SLC5A12: variants seen among roughly 807,000 people sequenced by gnomAD.
SLC5A12 encodes the protein sodium-coupled monocarboxylate transporter 2.
A neutral mutation model predicts 72.7 loss-of-function variants in SLC5A12; 46 were observed. That is an observed-to-expected ratio of 0.63 (90% CI 0.50 to 0.81). The LOEUF (loss-of-function observed/expected upper bound fraction) is 0.81. Among genes scored for constraint, SLC5A12 ranks in the 30% least tolerant of loss-of-function variants. The pLI is 0.00. For missense variants in SLC5A12, 683 were observed against 740.7 expected, an observed-to-expected ratio of 0.92 and a Z score of 0.90; for synonymous variants, 275 against 264.4, an observed-to-expected ratio of 1.04 and a Z score of -0.39.
chr11:26,712,554 T>C, intron 2 of SLC5A12, 87 bp downstream of exon 2: 2 of 904,834 alleles, frequency 2.2e-6, no homozygotes, highest in South Asian at 5.1e-5. Context: ...TAAGTGTCCT[T>C]TAGCTGAGTT....
rs747365915 is a variant in SLC5A12 at position 26,721,384 on chromosome 11, T to C, written c.331A>G (p.Thr111Ala). The C allele has an allele frequency of 6.2e-7, 1 of 1,605,156 alleles. No homozygotes were observed. Among genetic ancestry groups the C allele is most frequent in the Non-Finnish European group, 8.5e-7 (1 of 1,174,692 alleles). ...TGGAGAAATCATCTTACCTCATAAG[T>C]GCTGGTGATACCAGATCTGTAGAAC... ...PVFYRSGITSTYEYLQLRFNK... is the reference protein window; with the variant it reads ...PVFYRSGITSAYEYLQLRFNK... Residue 111 changes from threonine (T) to alanine (A), a missense_variant, in exon 1 of 15, where the codon ACT (threonine) becomes GCT (alanine). Thr to Ala is a moderately conservative substitution (Grantham distance 58, BLOSUM62 0). Transcript: ENST00000396005.
chr11:26,705,536 T>G (rs4923379), intron 4 of SLC5A12, among the ~76,000 whole-genome samples: 128,610 of 152,124 alleles, frequency 0.85, 56,205 homozygotes, highest in Non-Finnish European at 0.96. Context: ...CACTTCTTTT[T>G]TAATTAAAAT....
At chr11:26,697,286 A>G (rs1287444075) in intron 7 of SLC5A12, 34 bp from the exon 8 acceptor site, 2 of 1,557,450 alleles carry the variant, frequency 1.3e-6, no homozygotes, top group South Asian at 1.2e-5. Context: ...AAAATAAATA[A>G]AAAGAAGAAA....
intron 6 of SLC5A12, among the ~76,000 whole-genome samples, chr11:26,699,104 T>G (rs1854897936): frequency 6.6e-6 from 1 of 152,262 alleles, no homozygotes; most frequent in South Asian, 2.1e-4. Flanking sequence ...CATTTTATTT[T>G]AAAACCCACA....
intron 1 of SLC5A12, among the ~76,000 whole-genome samples, chr11:26,719,063 A>C (rs573124812): frequency 6.6e-6 from 1 of 152,182 alleles, no homozygotes; most frequent in African/African-American, 2.4e-5. Context: ...CAATTGGTTT[A>C]GTTGTTTTTG....
At chr11:26,674,273 C>T (rs929419434) in intron 13 of SLC5A12, among the ~76,000 whole-genome samples, 2 of 151,810 alleles carry the variant, frequency 1.3e-5, no homozygotes, top group Non-Finnish European at 2.9e-5. Context: ...GTAAAGATCC[C>T]TAGAGGGAGG....
At chr11:26,710,848 A>T (rs1855208042) in intron 3 of SLC5A12, among the ~76,000 whole-genome samples, 1 of 151,988 alleles carries the variant, frequency 6.6e-6, no homozygotes, top group Non-Finnish European at 1.5e-5. Context: ...GTTTACTTTG[A>T]CTTTTTTTCT....
chr11:26,721,175 A>G (rs562163686), intron 1 of SLC5A12, among the ~76,000 whole-genome samples: 10 of 152,288 alleles, frequency 6.6e-5, no homozygotes, highest in African/African-American at 2.2e-4. Flanking sequence ...GCCCTGTGGG[A>G]TTGTCATCAT....
At chr11:26,719,567 C>A (rs1477414065) in intron 1 of SLC5A12, among the ~76,000 whole-genome samples, 1 of 152,136 alleles carries the variant, frequency 6.6e-6, no homozygotes, top group Non-Finnish European at 1.5e-5. Flanking sequence ...TTTGCTCTCT[C>A]CTCTCCAAGC....
intron 13 of SLC5A12, 125 bp downstream of exon 13, chr11:26,678,587 T>A (rs1854318777): frequency 1.5e-6 from 1 of 683,238 alleles, no homozygotes; most frequent in Non-Finnish European, 2.6e-6. Flanking sequence ...AGAGTAGACA[T>A]CTCTGTGGGA....
chr11:26,684,493 C>T (rs898101265), intron 10 of SLC5A12, among the ~76,000 whole-genome samples: 4 of 152,094 alleles, frequency 2.6e-5, no homozygotes, highest in African/African-American at 4.8e-5. Flanking sequence ...AAATATTTGA[C>T]AATCTCTTAC....
intron 9 of SLC5A12, chr11:26,692,231 G>C (rs1213853452): frequency 3.3e-6 from 1 of 299,858 alleles, no homozygotes; most frequent in African/African-American, 2.2e-5. Flanking sequence ...CCGTGGGTTG[G>C]ATAAGCCTCG....
At position 26,686,523 on chromosome 11, in the gene SLC5A12, C is replaced by T; in HGVS notation, c.1175G>A (p.Cys392Tyr). ...AGATGCAGCCACAGCCATAGAGGTA[C>T]ACATCACGCCAAATAAGAGACCTGA... is the stretch of plus-strand genomic sequence containing the variant. Reference protein sequence around the residue: ...KGLCLLFGVMCTSMAVAASVM... With the variant: ...KGLCLLFGVMYTSMAVAASVM... Residue 392 changes from cysteine to tyrosine, a missense_variant, in exon 10 of 15, where the codon TGT (cysteine) becomes TAT (tyrosine). Cys to Tyr is a radical substitution (Grantham distance 194). Transcript: ENST00000396005. 6.2e-7 allele frequency: 1 copy of T among 1,613,928 alleles called. No individual in the cohort carries two copies. Among genetic ancestry groups the T allele is most frequent in the Non-Finnish European group, 8.5e-7 (1 of 1,179,910 alleles).
Position 26,673,520 on chromosome 11 carries a change from C to T in SLC5A12, c.1589G>A (p.Arg530Lys). ...VIISLITGRQ[R>K]GEDIQPLLIR... ...TAACAGTGGTTGAATATCCTCACCTCTTTGGCGACCTATTAACAAAAGAAC... is the reference window on the plus strand; with the variant it reads ...TAACAGTGGTTGAATATCCTCACCTTTTTGGCGACCTATTAACAAAAGAAC... The change falls in exon 14 of 15, where the codon AGA becomes AAA. Residue 530 changes from arginine (R) to lysine (K), a missense_variant. Arg to Lys is a conservative substitution (Grantham distance 26). Transcript: ENST00000396005. The T allele has an allele frequency of 1.2e-6, 2 of 1,604,086 alleles. No individual in the cohort carries two copies. Among genetic ancestry groups the T allele is most frequent in the Non-Finnish European group, 1.7e-6 (2 of 1,175,810 alleles).
chr11:26,692,674 G>C, intron 8 of SLC5A12, 73 bp from the exon 9 acceptor site: 1 of 1,005,484 alleles, frequency 9.9e-7, no homozygotes, highest in Non-Finnish European at 1.6e-6. Context: ...CTCTTGTCCA[G>C]GGCAGATAGA....
At chr11:26,701,697 A>G (rs1368183050) in intron 6 of SLC5A12, among the ~76,000 whole-genome samples, 1 of 152,152 alleles carries the variant, frequency 6.6e-6, no homozygotes, top group Admixed American at 6.6e-5. Flanking sequence ...CAATAAGTTC[A>G]TTGGTGGCTT....
At chr11:26,705,925 T>TACACACACAC in intron 4 of SLC5A12, among the ~76,000 whole-genome samples, 1 of 129,718 alleles carries the variant, frequency 7.7e-6, no homozygotes, top group South Asian at 3.0e-4. Context: ...TTCTCTGTCA[T>TACACACACAC]ACACACACAC....
intron 14 of SLC5A12, among the ~76,000 whole-genome samples, chr11:26,672,503 A>G (rs1438196960): frequency 6.6e-6 from 1 of 152,102 alleles, no homozygotes; most frequent in Non-Finnish European, 1.5e-5. Flanking sequence ...TTGAGTGACC[A>G]TTGCACTCTT....
intron 4 of SLC5A12, 71 bp downstream of exon 4, chr11:26,709,241 A>G (rs888900410): frequency 2.7e-6 from 3 of 1,117,702 alleles, no homozygotes; most frequent in Admixed American, 2.0e-5. Flanking sequence ...TTAGATGCCT[A>G]TTGCTGGAGA....
Sources: gnomAD v4.1 joint callset for allele counts (sites outside exome capture counted in the v4.1 genomes callset) on GRCh38, gnomAD v4.1.1 for gene constraint, MANE v1.5 for transcripts, NCBI Gene and HGNC (gene_info 2026-07-23, HGNC 2026-07-21) for gene names.